The following SLC4A4 variants were observed in gnomAD, a reference collection of about 807,000 sequenced individuals.
SLC4A4 encodes solute carrier family 4 member 4, also known as electrogenic sodium bicarbonate cotransporter 1.
In SLC4A4, 27 loss-of-function variants were observed where a neutral mutation model predicts 111.5. The observed-to-expected ratio is 0.24, with a 90% CI of 0.18 to 0.33. The LOEUF is 0.33. Among genes scored for constraint, SLC4A4 ranks in the 10% least tolerant of loss-of-function variants. The pLI, the probability that SLC4A4 is intolerant of heterozygous loss-of-function variation, is 1.00. For missense variants in SLC4A4, 909 were observed against 1,315.5 expected (o/e 0.69, Z 4.78); for synonymous variants, 443 against 463.4 (o/e 0.96, Z 0.57).
At chr4:71,129,784 CAAA>C (rs35737857) in intron 2 of SLC4A4, among the ~76,000 whole-genome samples, 15,945 of 76,788 alleles carry the variant, frequency 0.21, 771 homozygotes, top group South Asian at 0.32. Context: ...TACCATGCAC[CAAA>C]AAAAAAAAAA....
chr4:71,122,752 C>A (rs916748393), intron 2 of SLC4A4, among the ~76,000 whole-genome samples: 1 of 152,164 alleles, frequency 6.6e-6, no homozygotes, highest in Non-Finnish European at 1.5e-5. Flanking sequence ...GACCATCCCC[C>A]CTCGGCATCT....
intron 2 of SLC4A4, among the ~76,000 whole-genome samples, chr4:71,253,521 C>T (rs1721225013): frequency 6.6e-6 from 1 of 151,988 alleles, no homozygotes; most frequent in South Asian, 2.1e-4. Context: ...TTGAAAACAA[C>T]CAAGCATTTC....
At chr4:71,339,983 C>T (rs988664123) in intron 4 of SLC4A4, among the ~76,000 whole-genome samples, 16 of 150,826 alleles carry the variant, frequency 1.1e-4, no homozygotes, top group African/African-American at 3.9e-4. Flanking sequence ...TTTAGTAGGC[C>T]GAGGCAGGTG....
chr4:71,382,744 A>G (rs1321725973), intron 6 of SLC4A4, among the ~76,000 whole-genome samples: 1 of 152,112 alleles, frequency 6.6e-6, no homozygotes, highest in Non-Finnish European at 1.5e-5. Flanking sequence ...TAACTCTGTG[A>G]TTCTATGAGC....
At chr4:71,124,202 C>G (rs947817791) in intron 2 of SLC4A4, among the ~76,000 whole-genome samples, 2 of 138,300 alleles carry the variant, frequency 1.4e-5, no homozygotes, top group African/African-American at 5.4e-5. Flanking sequence ...GTGACAGAGT[C>G]TTGCCCTGTC....
intron 1 of SLC4A4, among the ~76,000 whole-genome samples, chr4:71,225,692 G>A (rs1478273569): frequency 6.6e-6 from 1 of 152,132 alleles, no homozygotes; most frequent in Non-Finnish European, 1.5e-5. Flanking sequence ...TGTCAGAGGT[G>A]GGTGGGTCAG....
chr4:71,236,341 T>C lies in SLC4A4; in HGVS notation c.-1-235T>C. ...AGGATTGGGATTATTTTCTCTTACC[T>C]GTCTATGTGGGTGCCCTCTCAAGGT... On this transcript the variant is annotated intron_variant, in intron 1 of 25. Transcript: ENST00000264485. 9 of 940,688 alleles carry C rather than the reference T, an allele frequency of 9.6e-6. No individual in the cohort carries two copies. The South Asian group carries it at 1.8e-4, about 18-fold the overall frequency. The allele number at this position is 940,688 out of a possible 1,614,324, so 58.3% of individuals were successfully genotyped here.
At chr4:71,135,665 C>T (rs906530987) in intron 2 of SLC4A4, among the ~76,000 whole-genome samples, 5 of 152,146 alleles carry the variant, frequency 3.3e-5, no homozygotes, top group African/African-American at 1.2e-4. Context: ...CCACATTTTA[C>T]AATAGATTTC....
intron 7 of SLC4A4, among the ~76,000 whole-genome samples, chr4:71,423,713 C>T (rs1268193197): frequency 6.6e-6 from 1 of 152,266 alleles, no homozygotes; most frequent in African/African-American, 2.4e-5. Flanking sequence ...TGATCTTTGA[C>T]AAACCTGAGA....
chr4:71,140,447 CT>C (rs1276577009), intron 2 of SLC4A4, among the ~76,000 whole-genome samples: 5 of 152,106 alleles, frequency 3.3e-5, no homozygotes, highest in African/African-American at 1.2e-4. Context: ...AACAAAACCT[CT>C]GCTAATGACT....
intron 2 of SLC4A4, among the ~76,000 whole-genome samples, chr4:71,166,119 A>G (rs1307785290): frequency 6.6e-6 from 1 of 152,216 alleles, no homozygotes; most frequent in African/African-American, 2.4e-5. Flanking sequence ...ATGTTATTAA[A>G]TAGCAGCACT....
chr4:71,180,787 T>C (rs1560762714), intron 2 of SLC4A4, among the ~76,000 whole-genome samples: 1 of 152,190 alleles, frequency 6.6e-6, no homozygotes, highest in Non-Finnish European at 1.5e-5. Context: ...GAAGTCAGTG[T>C]GGCGATTCCT....
At chr4:71,073,007 T>A (rs886950813) in intron 1 of SLC4A4, among the ~76,000 whole-genome samples, 5 of 152,076 alleles carry the variant, frequency 3.3e-5, no homozygotes, top group Admixed American at 1.3e-4. Flanking sequence ...GCTTGAGGGA[T>A]CCGCCTGCCT....
chr4:71,180,215 G>A (rs1044822209), intron 2 of SLC4A4, among the ~76,000 whole-genome samples: 2 of 152,188 alleles, frequency 1.3e-5, no homozygotes, highest in Non-Finnish European at 2.9e-5. Context: ...ATGGATTAAG[G>A]ACTTACAGGT....
At chr4:71,339,195 G>A in intron 3 of SLC4A4, 175 bp from the exon 4 acceptor site, 1 of 1,614,084 alleles carries the variant, frequency 6.2e-7, no homozygotes, top group East Asian at 2.2e-5. Context: ...ATAGAGAAGG[G>A]CTTTGATTTC....
chr4:71,536,488 G>T (rs2364537), intron 18 of SLC4A4, among the ~76,000 whole-genome samples: 7 of 34,596 alleles, frequency 2.0e-4, no homozygotes, highest in Admixed American at 6.6e-4. Context: ...ATATATATAT[G>T]TATATATTTA....
Position 71,451,276 on chromosome 4 carries a change from T to C in SLC4A4, c.1297T>C (p.Cys433Arg), listed in dbSNP as rs771339934. ...TCACGGAGGAGGAGGACATGGGGAT[T>C]GTGAAGAATTGCAGCGAACTGGACG... is the stretch of plus-strand genomic sequence containing the variant. Reference protein sequence around the residue: ...GGHGGGGHGDCEELQRTGRFC... With the variant: ...GGHGGGGHGDREELQRTGRFC... Residue 433 changes from cysteine to arginine, a missense_variant, in exon 11 of 26, where the codon TGT (cysteine) becomes CGT (arginine). Cys to Arg is a radical substitution (Grantham distance 180). Transcript: ENST00000264485. 8.5e-5 allele frequency: 137 copies of C among 1,612,130 alleles called. No individual in the cohort carries two copies. The Middle Eastern group carries it at 3.3e-3, about 39-fold the overall frequency.
At chr4:71,348,955 A>G (rs1578890235) in intron 4 of SLC4A4, among the ~76,000 whole-genome samples, 2 of 152,282 alleles carry the variant, frequency 1.3e-5, no homozygotes, top group Non-Finnish European at 1.5e-5. Context: ...CTCTTTCAAT[A>G]TCTCTCAGAA....
chr4:71,355,532 C>T (rs1730204543), intron 5 of SLC4A4, among the ~76,000 whole-genome samples: 1 of 152,204 alleles, frequency 6.6e-6, no homozygotes, highest in South Asian at 2.1e-4. Flanking sequence ...AGAAACTCTT[C>T]CTGCCTTGCC....
Sources: gnomAD v4.1 joint callset for allele counts (sites outside exome capture counted in the v4.1 genomes callset) on GRCh38, gnomAD v4.1.1 for gene constraint, MANE v1.5 for transcripts, NCBI Gene and HGNC (gene_info 2026-07-23, HGNC 2026-07-21) for gene names.